LRRC37A2: variants seen among roughly 807,000 people sequenced by gnomAD.
The protein encoded by LRRC37A2 is leucine rich repeat containing 37 member A2.
LRRC37A2 carries 9 observed loss-of-function variants against 68.8 expected under a neutral mutation model. The observed-to-expected ratio is 0.13, with a 90% CI of 0.08 to 0.23. The LOEUF is 0.23. LRRC37A2 is among the 10% of genes least tolerant of loss of function. The pLI is 1.00. For missense variants in LRRC37A2, 168 were observed against 950.4 expected, an observed-to-expected ratio of 0.18 and a Z score of 10.82; for synonymous variants, 63 against 367.6, an observed-to-expected ratio of 0.17 and a Z score of 9.48.
chr17:46,872,590 C>T, the LRRC37A2 span: 2 of 1,610,772 alleles, frequency 1.2e-6, no homozygotes, highest in Non-Finnish European at 1.7e-6. Flanking sequence ...GGGCGGGGCC[C>T]ACCTGAAGCA....
At chr17:46,779,092 CACACACACACA>C in the LRRC37A2 span, among the ~76,000 whole-genome samples, 48 of 148,506 alleles carry the variant, frequency 3.2e-4, 1 homozygote, top group East Asian at 8.6e-3. Flanking sequence ...CACACACACA[CACACACACACA>C]CCCCAGCCCA....
At chr17:46,606,175 G>A in the LRRC37A2 span, among the ~76,000 whole-genome samples, 1 of 6,780 alleles carries the variant, frequency 1.5e-4, no homozygotes, top group Non-Finnish European at 2.1e-4. Flanking sequence ...GCAAAACTCC[G>A]TCTCAAAAAA....
chr17:46,773,574 AGAG>A, the LRRC37A2 span: 1 of 1,378,738 alleles, frequency 7.3e-7, no homozygotes, highest in Non-Finnish European at 9.8e-7. Flanking sequence ...CCCTGGCTTC[AGAG>A]AAGAGGCACC....
At chr17:46,785,938 C>A in the LRRC37A2 span, among the ~76,000 whole-genome samples, 6 of 152,326 alleles carry the variant, frequency 3.9e-5, no homozygotes, top group East Asian at 7.7e-4. Flanking sequence ...CGCCTGCCTG[C>A]GGCTCTGGCT....
chr17:46,815,932 C>T, the LRRC37A2 span, among the ~76,000 whole-genome samples: 1 of 152,172 alleles, frequency 6.6e-6, no homozygotes, highest in South Asian at 2.1e-4. Context: ...CAGCCCTGGG[C>T]CCAGCACCTG....
the LRRC37A2 span, among the ~76,000 whole-genome samples, chr17:46,971,882 T>G: frequency 1.3e-5 from 2 of 152,204 alleles, no homozygotes; most frequent in East Asian, 3.8e-4. Context: ...GTTGGGCACC[T>G]CTCCCTCCCC....
At chr17:46,709,341 A>T in the LRRC37A2 span, among the ~76,000 whole-genome samples, 14 of 149,200 alleles carry the variant, frequency 9.4e-5, no homozygotes, top group African/African-American at 4.9e-5. Flanking sequence ...TCTGGAGGAT[A>T]AAAAAAAAAT....
the LRRC37A2 span, among the ~76,000 whole-genome samples, chr17:46,717,498 G>T: frequency 6.6e-6 from 1 of 152,168 alleles, no homozygotes; most frequent in African/African-American, 2.4e-5. Context: ...GGATCATGAG[G>T]TCAGGAGTTC....
the LRRC37A2 span, chr17:46,966,564 G>A: frequency 1.4e-6 from 1 of 695,904 alleles, no homozygotes; most frequent in South Asian, 1.5e-5. Flanking sequence ...GCCCAGAATG[G>A]ACCCGAACTC....
chr17:46,773,564 C>A, the LRRC37A2 span: 8 of 1,318,274 alleles, frequency 6.1e-6, no homozygotes, highest in Non-Finnish European at 8.3e-6. Flanking sequence ...CCCAGAGGGA[C>A]CCTGGCTTCA....
chr17:46,883,499 G>T, the LRRC37A2 span, among the ~76,000 whole-genome samples: 2 of 151,650 alleles, frequency 1.3e-5, no homozygotes, highest in Non-Finnish European at 1.5e-5. Context: ...TGGCCAGGCT[G>T]GTCTTGAACT....
chr17:46,940,582 A>G, the LRRC37A2 span: 3 of 1,614,168 alleles, frequency 1.9e-6, no homozygotes, highest in Non-Finnish European at 2.5e-6. Flanking sequence ...CAGACAGCAC[A>G]CTTTGGAGGA....
the LRRC37A2 span, among the ~76,000 whole-genome samples, chr17:46,887,185 A>C: frequency 6.6e-6 from 1 of 152,218 alleles, no homozygotes; most frequent in Non-Finnish European, 1.5e-5. Flanking sequence ...AGGCACTAAC[A>C]GGACTTTGGA....
the LRRC37A2 span, among the ~76,000 whole-genome samples, chr17:47,024,941 G>C: frequency 1.3e-5 from 2 of 148,888 alleles, no homozygotes; most frequent in African/African-American, 2.5e-5. Context: ...AAGTTATATA[G>C]ACAAAATACA....
chr17:46,727,257 G>C, the LRRC37A2 span, among the ~76,000 whole-genome samples: 1 of 152,116 alleles, frequency 6.6e-6, no homozygotes, highest in Non-Finnish European at 1.5e-5. Context: ...AAGAAGACTT[G>C]GTCCTGGCAC....
chr17:46,864,421 G>T, the LRRC37A2 span, among the ~76,000 whole-genome samples: 5 of 152,102 alleles, frequency 3.3e-5, no homozygotes, highest in Non-Finnish European at 5.9e-5. Context: ...TCAAGCACTG[G>T]TATTGTATCA....
the LRRC37A2 span, chr17:46,966,933 G>A: frequency 5.2e-6 from 2 of 384,182 alleles, no homozygotes. Context: ...TTTGAATCTG[G>A]CTAGAGAAAA....
chr17:46,502,721 TTTTTTG>T, the LRRC37A2 span, among the ~76,000 whole-genome samples: 4 of 151,106 alleles, frequency 2.6e-5, 1 homozygote, highest in African/African-American at 7.4e-5. Context: ...CCTGTGAGGG[TTTTTTG>T]TTTTTGTTTT....
chr17:46,938,179 A>G, the LRRC37A2 span, among the ~76,000 whole-genome samples: 2 of 151,064 alleles, frequency 1.3e-5, no homozygotes, highest in Non-Finnish European at 3.0e-5. Flanking sequence ...CAGTTTTTAG[A>G]TATTCTCCTG....
Sources: allele counts gnomAD v4.1 joint callset (sites outside exome capture counted in the v4.1 genomes callset), GRCh38; gene constraint gnomAD v4.1.1; transcripts MANE v1.5; gene names NCBI Gene and HGNC (gene_info 2026-07-23, HGNC 2026-07-21).